NECTIN1: variants seen among roughly 807,000 people sequenced by gnomAD.
NECTIN1 encodes the protein nectin cell adhesion molecule 1.
NECTIN1 carries 23 observed loss-of-function variants against 48.0 expected under a neutral mutation model. The observed-to-expected ratio is 0.48, with a 90% CI of 0.34 to 0.68. NECTIN1 has a LOEUF of 0.68. Ranked by LOEUF, NECTIN1 falls within the 30% of genes least tolerant of loss-of-function variation. The pLI is 0.01. For synonymous variants in NECTIN1, 270 were observed against 288.9 expected (o/e 0.93, Z 0.66); for missense variants, 591 against 709.9 (o/e 0.83, Z 1.90).
At position 119,709,386 on chromosome 11, in the gene NECTIN1, C is replaced by T. The variant is rs982751116; in HGVS notation, c.79+19089G>A. 3.3e-5 allele frequency among the ~76,000 whole-genome samples: 5 copies of T among 152,228 alleles called. No homozygotes were observed. The highest frequency in any genetic ancestry group is 1.2e-4 in the African/African-American group (5 of 41,542). On this transcript the variant is annotated intron_variant, in intron 1 of 5. Transcript: ENST00000264025. This position sits in a 1 kb window ranked among gnomAD's most constrained non-coding sequence, Gnocchi z 4.1. ...TCTGTCTGCCACGCACTTGCCTGGG[C>T]CACTCTGCTACCTGGGGCCGGGGGA...
chr11:119,702,063 G>C (rs1485612096), intron 1 of NECTIN1, among the ~76,000 whole-genome samples: 1 of 152,200 alleles, frequency 6.6e-6, no homozygotes, highest in African/African-American at 2.4e-5. Context: ...GGCAGGGCTG[G>C]GGCAGACAGG....
At chr11:119,706,257 AC>A (rs1181947653) in intron 1 of NECTIN1, among the ~76,000 whole-genome samples, 1 of 152,188 alleles carries the variant, frequency 6.6e-6, no homozygotes, top group Non-Finnish European at 1.5e-5. Flanking sequence ...ACACCAGCGG[AC>A]CGACAGCCCA....
At chr11:119,692,432 G>T (rs546363403) in intron 1 of NECTIN1, among the ~76,000 whole-genome samples, 62 of 149,088 alleles carry the variant, frequency 4.2e-4, no homozygotes, top group African/African-American at 1.4e-3. Context: ...TGTGTGTGTG[G>T]GTGGCGGGGG....
chr11:119,663,080 C>T lies in NECTIN1; in HGVS notation c.*1667G>A, dbSNP rs1039647359. 1.7e-5 allele frequency: 17 copies of T among 985,262 alleles called. No homozygotes were observed. Among genetic ancestry groups the T allele is most frequent in the East Asian group, 1.1e-4 (1 of 8,794 alleles). 61.0% of individuals were successfully genotyped at this position (985,262 alleles called of 1,614,324 possible). On this transcript the variant is annotated 3_prime_UTR_variant, in exon 6 of 6. Coordinates refer to ENST00000264025, the MANE Select transcript of NECTIN1 (RefSeq NM_002855.5). ...GCCTATGGCAGGGTGGGTCAGTGCC[C>T]GTGGGGCACAGAGTGGTCTGCCTCC... is the stretch of plus-strand genomic sequence containing the variant.
downstream of NECTIN1, among the ~76,000 whole-genome samples, chr11:119,656,698 A>G (rs1051490718): frequency 2.6e-5 from 4 of 152,102 alleles, no homozygotes; most frequent in Admixed American, 1.3e-4. Context: ...TTCGTTAGGG[A>G]TCTTCAGGCC....
intron 1 of NECTIN1, among the ~76,000 whole-genome samples, chr11:119,697,736 T>C (rs1865365916): frequency 6.6e-6 from 1 of 152,206 alleles, no homozygotes; most frequent in South Asian, 2.1e-4. Flanking sequence ...CTGGTTGTGG[T>C]CCACTGTGCT....
At position 119,661,635 on chromosome 11, in the gene NECTIN1, A is replaced by T. The variant is rs1864667562; in HGVS notation, c.*3112T>A. The T allele has an allele frequency of 1.0e-6, 1 of 985,930 alleles. No homozygotes were observed. The highest frequency in any genetic ancestry group is 1.7e-5 in the African/African-American group (1 of 57,370). 61.1% of individuals were successfully genotyped at this position (985,930 alleles called of 1,614,324 possible). On this transcript the variant is annotated 3_prime_UTR_variant, in exon 6 of 6. Transcript: ENST00000264025. ...CCAATTTCTCTGCTCTGAGGAAGGC[A>T]GAAAAGTTATTGCACCAGTGACTTG...
chr11:119,724,948 C>T (rs1865887420), intron 1 of NECTIN1, among the ~76,000 whole-genome samples: 1 of 152,142 alleles, frequency 6.6e-6, no homozygotes, highest in African/African-American at 2.4e-5. Context: ...TTTAAATCAG[C>T]AAAACAGGTG....
chr11:119,655,823 A>T (rs1388098384), intron 5 of NECTIN1, among the ~76,000 whole-genome samples: 1 of 152,170 alleles, frequency 6.6e-6, no homozygotes, highest in Admixed American at 6.5e-5. Context: ...CCAGCACCAG[A>T]GGCTGGGCAC....
chr11:119,701,414 G>C (rs73004983), intron 1 of NECTIN1, among the ~76,000 whole-genome samples: 7,082 of 152,248 alleles, frequency 0.047, 263 homozygotes, highest in Non-Finnish European at 0.077. Flanking sequence ...CAAACACAGA[G>C]AGGTAAAATG....
chr11:119,638,402 C>T (rs573206032), intron 7 of NECTIN1, among the ~76,000 whole-genome samples: 2 of 152,354 alleles, frequency 1.3e-5, no homozygotes, highest in East Asian at 3.9e-4. Flanking sequence ...GGCACAAGTG[C>T]ACCCTGAGCC....
rs1351679476 is a variant in NECTIN1 at position 119,648,264 on chromosome 11, AGTG to A, written c.1004-8255_1004-8253del. ...TAGTGGTGGTGATAGAGGTGGTAATAGTGGTGGTGGTGATGGTGGTGGTGATGG... is the reference window on the plus strand; with the variant it reads ...TAGTGGTGGTGATAGAGGTGGTAATAGTGGTGGTGATGGTGGTGGTGATGG... On this transcript the variant is annotated intron_variant, in intron 5 of 7. Coordinates refer to the NECTIN1 transcript ENST00000341398. Among the ~76,000 whole-genome samples, 73 of 29,750 alleles carry A rather than the reference AGTG, an allele frequency of 2.5e-3. 5 individuals are homozygous for A. Among genetic ancestry groups the A allele is most frequent in the South Asian group, 0.014 (10 of 708 alleles). 19.5% of individuals were successfully genotyped at this position (29,750 alleles called of 152,430 possible). A position where few individuals can be genotyped will look rare whatever the true frequency, so the allele number is the denominator to read the frequency against.
chr11:119,716,994 G>A (rs1260130341), intron 1 of NECTIN1, among the ~76,000 whole-genome samples: 2 of 152,218 alleles, frequency 1.3e-5, no homozygotes, highest in Non-Finnish European at 2.9e-5. Flanking sequence ...TCATTACAGC[G>A]CAAACTGTGT....
In NECTIN1 at chr11:119,665,326, A is replaced by C. The variant is rs376120491; in HGVS notation, c.1004-29T>G. On this transcript the variant is annotated intron_variant, in intron 5 of 5. Coordinates refer to ENST00000264025, the MANE Select transcript of NECTIN1 (RefSeq NM_002855.5). This position sits in a 1 kb window ranked among gnomAD's most constrained non-coding sequence, Gnocchi z 5.1. The stretch of plus-strand genomic sequence containing the variant: ...GGTGAGGAAAAGAGATGGAGGGGAC[A>C]GCATCAGCGTGTGCTCCTGGGGTGT... The C allele has an allele frequency of 1.3e-6, 2 of 1,548,044 alleles. No homozygotes were observed. Among genetic ancestry groups the C allele is most frequent in the Admixed American group, 3.5e-5 (2 of 57,068 alleles).
intron 1 of NECTIN1, among the ~76,000 whole-genome samples, chr11:119,690,552 C>A (rs1041431955): frequency 6.6e-6 from 1 of 152,194 alleles, no homozygotes; most frequent in Non-Finnish European, 1.5e-5. Context: ...GAGCCCCCAC[C>A]AAAGGGTCTC....
rs1864724901 is a variant in NECTIN1, at chr11:119,664,450, C to G, written c.*297G>C. 1 of 1,214,726 alleles carries G rather than the reference C, an allele frequency of 8.2e-7. No individual in the cohort carries two copies. Among genetic ancestry groups the G allele is most frequent in the Admixed American group, 4.0e-5 (1 of 24,810 alleles). 75.2% of individuals were successfully genotyped at this position (1,214,726 alleles called of 1,614,324 possible). A position where few individuals can be genotyped will look rare whatever the true frequency, so the allele number is the denominator to read the frequency against. On this transcript the variant is annotated 3_prime_UTR_variant, in exon 6 of 6. Coordinates refer to ENST00000264025, the MANE Select transcript of NECTIN1 (RefSeq NM_002855.5). ...GATGCCCAGGTACACAAGACGAGAA[C>G]AGGGCTCCCTACACAGAGGGCAGGC... is the stretch of plus-strand genomic sequence containing the variant.
intron 1 of NECTIN1, among the ~76,000 whole-genome samples, chr11:119,693,468 G>A (rs756314305): frequency 1.6e-4 from 25 of 152,254 alleles, no homozygotes; most frequent in South Asian, 4.1e-4. Context: ...CTCGGGCCAA[G>A]AGAGGAGAGT....
At position 119,664,800 on chromosome 11, in the gene NECTIN1, T is replaced by C. The variant is rs1414132172; in HGVS notation, c.1501A>G (p.Met501Val). Reference protein sequence around the residue: ...DPEQLDLAENMVSQNDGSFIS... With the variant: ...DPEQLDLAENVVSQNDGSFIS... Reference sequence around the variant, plus strand: ...AAAGACCCGTCGTTCTGAGAAACCATGTTCTCAGCCAAGTCCAGCTGCTCA... The same window carrying C: ...AAAGACCCGTCGTTCTGAGAAACCACGTTCTCAGCCAAGTCCAGCTGCTCA... Residue 501 changes from methionine (M) to valine (V), a missense_variant, in exon 6 of 6, where the codon ATG (methionine) becomes GTG (valine). By Grantham distance (21) the Met-to-Val change is conservative. Transcript: ENST00000264025. 2 of 1,613,472 alleles carry C rather than the reference T, an allele frequency of 1.2e-6. No homozygotes were observed. The highest frequency in any genetic ancestry group is 2.2e-5 in the East Asian group (1 of 44,856).
In NECTIN1 at chr11:119,712,205, C is replaced by T. The variant is rs116771749; in HGVS notation, c.79+16270G>A. On this transcript the variant is annotated intron_variant, in intron 1 of 5. Transcript: ENST00000264025. Reference sequence around the variant, plus strand: ...TTTTCAAGTCCCAGTCCACAGGCTGCGGAGGCGCTGGTTTTCTTCCAGGCA... The same window carrying T: ...TTTTCAAGTCCCAGTCCACAGGCTGTGGAGGCGCTGGTTTTCTTCCAGGCA... Among the ~76,000 whole-genome samples the T allele has an allele frequency of 8.0e-3, 1,217 of 152,246 alleles. 17 individuals are homozygous for T. The highest frequency in any genetic ancestry group is 0.028 in the African/African-American group (1,155 of 41,512).
Sources: allele counts gnomAD v4.1 joint callset (sites outside exome capture counted in the v4.1 genomes callset), GRCh38; gene constraint gnomAD v4.1.1; non-coding constraint Gnocchi (gnomAD v3.1); transcripts MANE v1.5; gene names NCBI Gene and HGNC (gene_info 2026-07-23, HGNC 2026-07-21).